TRAPPC9: variants seen among roughly 807,000 people sequenced by gnomAD.
The protein encoded by TRAPPC9 is IKK2 binding protein.
A neutral mutation model predicts 124.0 loss-of-function variants in TRAPPC9; 83 were observed. The ratio of observed to expected loss-of-function variants is 0.67; its 90% CI spans 0.56 to 0.80. The LOEUF is 0.80. Among genes scored for constraint, TRAPPC9 ranks in the 30% least tolerant of loss-of-function variants. The probability of loss-of-function intolerance (pLI) is 0.00; values close to 1 mark genes in which losing one functional copy is unlikely to be tolerated. For synonymous variants in TRAPPC9, 638 were observed against 617.5 expected (o/e 1.03, Z -0.49); for missense variants, 1,302 against 1,508.3 (o/e 0.86, Z 2.27).
intron 19 of TRAPPC9, among the ~76,000 whole-genome samples, chr8:139,982,780 C>A (rs1836997368): frequency 6.6e-6 from 1 of 152,186 alleles, no homozygotes; most frequent in African/African-American, 2.4e-5. Context: ...AAGTATGAGA[C>A]TAACAAGATC....
At chr8:140,388,371 G>C (rs892563102) in intron 7 of TRAPPC9, among the ~76,000 whole-genome samples, 36 of 142,248 alleles carry the variant, frequency 2.5e-4, no homozygotes, top group African/African-American at 9.5e-4. Flanking sequence ...AGAACTTACA[G>C]TAAAAAAAAA....
chr8:139,854,845 GC>G (rs1827703300), intron 21 of TRAPPC9, among the ~76,000 whole-genome samples: 1 of 152,180 alleles, frequency 6.6e-6, no homozygotes, highest in African/African-American at 2.4e-5. Context: ...TGAGGCCAGC[GC>G]TGGTTTCCCT....
intron 21 of TRAPPC9, among the ~76,000 whole-genome samples, chr8:139,803,576 C>T (rs1233445423): frequency 6.6e-6 from 1 of 152,252 alleles, no homozygotes; most frequent in Non-Finnish European, 1.5e-5. Context: ...CCAAACACAG[C>T]TGGATACCAA....
intron 21 of TRAPPC9, among the ~76,000 whole-genome samples, chr8:139,841,415 T>A (rs1196855580): frequency 6.6e-6 from 1 of 152,190 alleles, no homozygotes; most frequent in Non-Finnish European, 1.5e-5. Context: ...AGCCTGCTGG[T>A]GGGGGCCGGC....
Position 139,984,462 on chromosome 8 carries a change from G to C in TRAPPC9, c.2810+4264C>G, listed in dbSNP as rs1396864768. Among the ~76,000 whole-genome samples, 2 of 151,996 alleles carry C rather than the reference G, an allele frequency of 1.3e-5. No homozygotes were observed. Among genetic ancestry groups the C allele is most frequent in the Non-Finnish European group, 2.9e-5 (2 of 67,972 alleles). On this transcript the variant is annotated intron_variant, in intron 19 of 22. Coordinates refer to ENST00000438773, the MANE Select transcript of TRAPPC9 (RefSeq NM_001160372.4). This position sits in a 1 kb window ranked among gnomAD's most constrained non-coding sequence, Gnocchi z 4.3. ...AGCACAGCCTGGGGGTGGGGGGCCG[G>C]GGGGTGGTGGCAGGGGTGCCTCCTC...
rs1429303889 is a variant in TRAPPC9, at chr8:140,401,633, T to G, written c.1009-3888A>C. 1.2e-4 allele frequency among the ~76,000 whole-genome samples: 11 copies of G among 93,686 alleles called. No homozygotes were observed. The East Asian group carries it at 2.2e-3, about 19-fold the overall frequency. The allele number at this position is 93,686 out of a possible 152,430, so 61.5% of individuals were successfully genotyped here. A position where few individuals can be genotyped will look rare whatever the true frequency, so the allele number is the denominator to read the frequency against. On this transcript the variant is annotated intron_variant, in intron 6 of 22. Coordinates refer to ENST00000438773, the MANE Select transcript of TRAPPC9 (RefSeq NM_001160372.4). ...TTTAAAATGAAATCATGAAAAATTA[T>G]TTTTTTTTGAGACAGAGTCTTGCTC...
At chr8:140,023,056 C>T (rs1173120425) in intron 18 of TRAPPC9, among the ~76,000 whole-genome samples, 1 of 152,224 alleles carries the variant, frequency 6.6e-6, no homozygotes, top group African/African-American at 2.4e-5. Context: ...CCCCCACCGC[C>T]CCCTTCGAGG....
At chr8:140,377,542 G>A (rs764309413) in intron 7 of TRAPPC9, among the ~76,000 whole-genome samples, 3 of 152,054 alleles carry the variant, frequency 2.0e-5, no homozygotes, top group African/African-American at 4.8e-5. Flanking sequence ...CAGGTGATCC[G>A]CCTCAGCCTC....
intron 21 of TRAPPC9, among the ~76,000 whole-genome samples, chr8:139,795,018 A>C (rs1822949313): frequency 6.6e-6 from 1 of 152,228 alleles, no homozygotes; most frequent in Admixed American, 6.5e-5. Flanking sequence ...TTAAGCACTT[A>C]CTACGTCCCA....
At chr8:140,070,409 T>TA (rs767421824) in intron 17 of TRAPPC9, among the ~76,000 whole-genome samples, 4 of 152,200 alleles carry the variant, frequency 2.6e-5, no homozygotes, top group African/African-American at 4.8e-5. Flanking sequence ...GGAATTAATG[T>TA]AAAAAAATCC....
chr8:139,847,132 G>A (rs568027364), intron 21 of TRAPPC9, among the ~76,000 whole-genome samples: 12 of 152,334 alleles, frequency 7.9e-5, no homozygotes, highest in East Asian at 3.9e-4. Context: ...GGAAGAAGGC[G>A]CAAGACCATA....
In TRAPPC9 at chr8:140,241,414, G is replaced by A. The variant is rs979174941; in HGVS notation, c.2431+11363C>T. On this transcript the variant is annotated intron_variant, in intron 16 of 22. Coordinates refer to ENST00000438773, the MANE Select transcript of TRAPPC9 (RefSeq NM_001160372.4). The surrounding 1 kb of genome is among the most constrained non-coding windows in gnomAD (Gnocchi z 5.0). ...AGACTCCATCTCAAAAATAAAAATTGGGCCAGGCGCGGTGGCACCCGCCTG... is the reference window on the plus strand; with the variant it reads ...AGACTCCATCTCAAAAATAAAAATTAGGCCAGGCGCGGTGGCACCCGCCTG... Among the ~76,000 whole-genome samples the A allele has an allele frequency of 1.6e-4, 24 of 150,082 alleles. 1 individual carries two copies. The highest frequency in any genetic ancestry group is 5.9e-4 in the African/African-American group (24 of 40,710).
intron 17 of TRAPPC9, among the ~76,000 whole-genome samples, chr8:140,209,293 C>A (rs115643104): frequency 2.4e-3 from 362 of 152,302 alleles, no homozygotes; most frequent in African/African-American, 8.4e-3. Flanking sequence ...CACTGTTACG[C>A]CCCCAGCATT....
At chr8:139,863,535 G>A (rs576319114) in intron 21 of TRAPPC9, among the ~76,000 whole-genome samples, 34 of 152,324 alleles carry the variant, frequency 2.2e-4, no homozygotes, top group Non-Finnish European at 4.1e-4. Context: ...GGTCAGGCTC[G>A]GGACCCGGGA....
At chr8:140,022,217 G>T (rs1839869214) in intron 18 of TRAPPC9, among the ~76,000 whole-genome samples, 1 of 152,234 alleles carries the variant, frequency 6.6e-6, no homozygotes, top group Admixed American at 6.5e-5. Context: ...ACAAAGGCAT[G>T]CAGTGGATTG....
At chr8:140,129,951 A>G (rs985769140) in intron 17 of TRAPPC9, among the ~76,000 whole-genome samples, 1 of 152,228 alleles carries the variant, frequency 6.6e-6, no homozygotes, top group Non-Finnish European at 1.5e-5. Context: ...TCAGGCCCCA[A>G]CTGTGGCTTC....
At chr8:140,024,445 C>T (rs1221433564) in intron 17 of TRAPPC9, among the ~76,000 whole-genome samples, 2 of 151,152 alleles carry the variant, frequency 1.3e-5, no homozygotes, top group East Asian at 2.0e-4. Context: ...GTCGCCCAGG[C>T]TGGAGGCAGT....
intron 17 of TRAPPC9, among the ~76,000 whole-genome samples, chr8:140,078,673 G>A (rs1391475140): frequency 6.6e-6 from 1 of 152,156 alleles, no homozygotes; most frequent in Non-Finnish European, 1.5e-5. Flanking sequence ...GCTCAGGGTT[G>A]AGAATGTGTC....
intron 19 of TRAPPC9, among the ~76,000 whole-genome samples, chr8:139,922,737 T>G (rs1225760433): frequency 6.6e-6 from 1 of 152,074 alleles, no homozygotes; most frequent in Non-Finnish European, 1.5e-5. Flanking sequence ...CAAGGAAAAG[T>G]GCATCTTCCT....
Sources: allele counts gnomAD v4.1 joint callset (sites outside exome capture counted in the v4.1 genomes callset), GRCh38; gene constraint gnomAD v4.1.1; non-coding constraint Gnocchi (gnomAD v3.1); transcripts MANE v1.5; gene names NCBI Gene and HGNC (gene_info 2026-07-23, HGNC 2026-07-21).